The following PAK3 variants were observed in gnomAD, a reference collection of about 807,000 sequenced individuals.
PAK3 encodes the protein serine/threonine-protein kinase PAK 3.
PAK3 carries 4 observed loss-of-function variants against 41.0 expected under a neutral mutation model. That is an observed-to-expected ratio of 0.10 (90% CI 0.05 to 0.22). The LOEUF (loss-of-function observed/expected upper bound fraction) is 0.22. Ranked by LOEUF, PAK3 falls within the 10% of genes least tolerant of loss-of-function variation. The pLI is 1.00. For missense variants in PAK3, 205 were observed against 409.9 expected, an observed-to-expected ratio of 0.50 and a Z score of 4.32; for synonymous variants, 146 against 139.6, an observed-to-expected ratio of 1.05 and a Z score of -0.32.
intron 6 of PAK3, chrX:111,144,781 T>C (rs1441879067): frequency 1.5e-5 from 8 of 537,544 alleles, no homozygotes; most frequent in East Asian, 3.8e-5. Context: ...TAAAAGTAGG[T>C]TGGGAGGTGA....
intron 1 of PAK3, among the ~76,000 whole-genome samples, chrX:110,983,398 T>C (rs1235988808): frequency 1.8e-5 from 2 of 109,111 alleles, no homozygotes. Context: ...TGAATAAAGG[T>C]GTACTACCCA....
chrX:111,018,253 G>GA (rs1025369856), intron 1 of PAK3, among the ~76,000 whole-genome samples: 2 of 110,648 alleles, frequency 1.8e-5, no homozygotes, highest in African/African-American at 6.6e-5. Flanking sequence ...AATTAGGCAA[G>GA]AAAAATAAAT....
intron 11 of PAK3, among the ~76,000 whole-genome samples, chrX:111,187,522 G>A (rs147794559): frequency 9.0e-6 from 1 of 111,386 alleles, no homozygotes; most frequent in Admixed American, 9.6e-5. Context: ...AACCAGGGGA[G>A]GTTTGAATGA....
chrX:110,967,370 G>A (rs749543553), intron 1 of PAK3, among the ~76,000 whole-genome samples: 10 of 111,943 alleles, frequency 8.9e-5, no homozygotes, highest in Non-Finnish European at 1.3e-4. Flanking sequence ...GGGTATGGCT[G>A]TGTTGGAGAC....
chrX:111,053,363 C>G (rs1217052603), intron 1 of PAK3, among the ~76,000 whole-genome samples: 2 of 111,508 alleles, frequency 1.8e-5, no homozygotes, highest in Non-Finnish European at 3.8e-5. Flanking sequence ...GGACACAAGA[C>G]TATTTAAGCT....
At chrX:110,981,495 T>A (rs973052260) in intron 1 of PAK3, among the ~76,000 whole-genome samples, 2 of 110,960 alleles carry the variant, frequency 1.8e-5, no homozygotes, top group Non-Finnish European at 3.8e-5. Context: ...TATTTAAAGA[T>A]AAAGGGGCAT....
At chrX:111,188,065 A>G (rs1165354191) in intron 11 of PAK3, among the ~76,000 whole-genome samples, 1 of 108,883 alleles carries the variant, frequency 9.2e-6, no homozygotes, top group African/African-American at 3.3e-5. Flanking sequence ...CTAGAGTTTC[A>G]GGATATTTAA....
chrX:111,115,609 A>C (rs1161474670), intron 4 of PAK3, among the ~76,000 whole-genome samples: 1 of 112,014 alleles, frequency 8.9e-6, no homozygotes, highest in Non-Finnish European at 1.9e-5. Context: ...TGCTCAGTAT[A>C]ATAATAATGA....
chrX:110,957,073 C>G (rs1330027918), intron 1 of PAK3, among the ~76,000 whole-genome samples: 1 of 111,630 alleles, frequency 9.0e-6, no homozygotes, highest in African/African-American at 3.3e-5. Flanking sequence ...ATTGGATTCC[C>G]CAATGTTTCT....
intron 8 of PAK3, among the ~76,000 whole-genome samples, chrX:111,154,198 G>C (rs1043267834): frequency 9.0e-6 from 1 of 111,613 alleles, no homozygotes; most frequent in Non-Finnish European, 1.9e-5. Context: ...AAGATGAAAA[G>C]AGTTATGGAG....
chrX:111,142,377 A>C (rs2093884416), intron 6 of PAK3, among the ~76,000 whole-genome samples, 181 bp downstream of exon 6: 1 of 112,680 alleles, frequency 8.9e-6, no homozygotes, highest in African/African-American at 3.2e-5. Context: ...GCATTGACCA[A>C]ATTATTTTGT....
chrX:111,089,390 TA>T (rs2092913079), intron 1 of PAK3, among the ~76,000 whole-genome samples: 1 of 112,223 alleles, frequency 8.9e-6, no homozygotes, highest in Admixed American at 9.4e-5. Context: ...TTTCCATGAA[TA>T]ACCCAAAATT....
intron 10 of PAK3, among the ~76,000 whole-genome samples, chrX:111,166,918 T>G (rs1021953079): frequency 1.8e-5 from 2 of 111,646 alleles, no homozygotes; most frequent in African/African-American, 6.5e-5. Flanking sequence ...TGGGTCTGAG[T>G]CATAGACTTA....
intron 1 of PAK3, among the ~76,000 whole-genome samples, chrX:111,072,633 C>T (rs1429782834): frequency 1.8e-5 from 2 of 112,030 alleles, no homozygotes; most frequent in East Asian, 5.6e-4. Flanking sequence ...ATGTGAAGAC[C>T]CCCATATGTT....
At chrX:111,005,054 C>A (rs1394688833) in intron 1 of PAK3, among the ~76,000 whole-genome samples, 1 of 112,147 alleles carries the variant, frequency 8.9e-6, no homozygotes, top group East Asian at 2.8e-4. Flanking sequence ...ATACTAAAAG[C>A]AAGTCAATTT....
At chrX:111,144,952 T>C in intron 6 of PAK3, 2 of 853,751 alleles carry the variant, frequency 2.3e-6, no homozygotes, top group Non-Finnish European at 3.4e-6. Flanking sequence ...TCATTTCTTA[T>C]GATAAGATAA....
chrX:111,220,945 C>CAAAAAAAAAAAAAAAAAAAAA lies in PAK3; in HGVS notation c.*515_*516insAAAAAAAAAAAAAAAAAAAAA. The CAAAAAAAAAAAAAAAAAAAAA allele has an allele frequency of 1.8e-4, 9 of 49,410 alleles. No individual in the cohort carries two copies. The highest frequency in any genetic ancestry group is 5.1e-4 in the African/African-American group (6 of 11,733). The allele number at this position is 49,410 out of a possible 1,213,427, so 4.1% of individuals were successfully genotyped here. On this transcript the variant is annotated 3_prime_UTR_variant, in exon 18 of 18. Coordinates refer to ENST00000372007, the MANE Select transcript of PAK3 (RefSeq NM_002578.5). ...AAAAAAGAAAGCAAAAAAAGCAAGG[C>CAAAAAAAAAAAAAAAAAAAAA]AAAAAAAAAAAAAAAAACAAACAAA...
intron 16 of PAK3, among the ~76,000 whole-genome samples, chrX:111,201,915 G>A (rs1226442656): frequency 9.1e-6 from 1 of 110,307 alleles, no homozygotes; most frequent in Non-Finnish European, 1.9e-5. Flanking sequence ...ATGTTTAGAG[G>A]GTTTTTTTTA....
upstream of PAK3, among the ~76,000 whole-genome samples, chrX:111,092,445 AT>A (rs2092937294): frequency 9.0e-6 from 1 of 111,629 alleles, no homozygotes; most frequent in Admixed American, 9.5e-5. Context: ...GCTGTTCTGC[AT>A]TTTTTCACTC....
Sources: allele counts gnomAD v4.1 joint callset (sites outside exome capture counted in the v4.1 genomes callset), GRCh38; gene constraint gnomAD v4.1.1; transcripts MANE v1.5; gene names NCBI Gene and HGNC (gene_info 2026-07-23, HGNC 2026-07-21).